The following RBMS3 variants were observed in gnomAD, a reference collection of about 807,000 sequenced individuals.
The protein encoded by RBMS3 is RNA-binding motif, single-stranded-interacting protein 3.
Under a neutral mutation model 66.8 loss-of-function variants are expected in RBMS3, and 27 were observed. That is an observed-to-expected ratio of 0.40 (90% CI 0.30 to 0.56). The LOEUF is 0.56. Ranked by LOEUF, RBMS3 falls within the 20% of genes least tolerant of loss-of-function variation. RBMS3 has a pLI of 0.40. For synonymous variants in RBMS3, 188 were observed against 183.0 expected, an observed-to-expected ratio of 1.03 and a Z score of -0.22; for missense variants, 513 against 549.5, an observed-to-expected ratio of 0.93 and a Z score of 0.66.
chr3:29,359,295 C>T (rs1431166866), intron 1 of RBMS3, among the ~76,000 whole-genome samples: 4 of 152,116 alleles, frequency 2.6e-5, no homozygotes, highest in Admixed American at 1.3e-4. Flanking sequence ...TCTGCATCTG[C>T]TGAGACAATC....
intron 1 of RBMS3, among the ~76,000 whole-genome samples, chr3:29,305,870 C>T (rs148391814): frequency 6.6e-6 from 1 of 151,908 alleles, no homozygotes; most frequent in Non-Finnish European, 1.5e-5. Context: ...TTTAAAACTA[C>T]CTGAAGGAAG....
intron 3 of RBMS3, among the ~76,000 whole-genome samples, chr3:29,546,219 C>T (rs562440622): frequency 4.6e-5 from 7 of 151,304 alleles, no homozygotes; most frequent in Non-Finnish European, 1.0e-4. Flanking sequence ...CTCATTTAAT[C>T]TTCATGACAA....
At chr3:29,294,227 T>C (rs2033059829) in intron 1 of RBMS3, among the ~76,000 whole-genome samples, 1 of 151,822 alleles carries the variant, frequency 6.6e-6, no homozygotes, top group South Asian at 2.1e-4. Flanking sequence ...CAGAGTTGCT[T>C]AATGTCATCT....
At chr3:29,404,158 A>T (rs1366543031) in intron 1 of RBMS3, among the ~76,000 whole-genome samples, 2 of 152,102 alleles carry the variant, frequency 1.3e-5, no homozygotes, top group African/African-American at 4.8e-5. Flanking sequence ...TGACATTATG[A>T]TATCAAACCA....
At chr3:29,933,340 A>T (rs1043703967) in intron 10 of RBMS3, among the ~76,000 whole-genome samples, 1 of 152,148 alleles carries the variant, frequency 6.6e-6, no homozygotes, top group Non-Finnish European at 1.5e-5. Flanking sequence ...GTCATATACA[A>T]TACAAAAGAG....
intron 10 of RBMS3, among the ~76,000 whole-genome samples, chr3:29,920,012 T>A (rs2060729681): frequency 6.6e-6 from 1 of 152,144 alleles, no homozygotes; most frequent in African/African-American, 2.4e-5. Context: ...CCCTTATTGA[T>A]CTCTCTACTT....
intron 1 of RBMS3, among the ~76,000 whole-genome samples, chr3:29,309,216 GA>G (rs35333583): frequency 0.31 from 46,218 of 151,230 alleles, 7,260 homozygotes; most frequent in Middle Eastern, 0.39. Flanking sequence ...ATTTCCACCT[GA>G]AAAAAAGAGG....
In RBMS3 at chr3:30,008,848, AT is replaced by A. The variant is rs2125413202; in HGVS notation, c.*4988del. On this transcript the variant is annotated 3_prime_UTR_variant, in exon 15 of 15. Coordinates refer to ENST00000383767, the MANE Select transcript of RBMS3 (RefSeq NM_001003793.3). ...GGCTGTCCTTTGCGGATTACATAGC[AT>A]TCAGGAAAGTACAAAAACTAAACAC... is the stretch of plus-strand genomic sequence containing the variant. 1 of 152,216 alleles carries A rather than the reference AT, an allele frequency of 6.6e-6. No homozygotes were observed. The highest frequency in any genetic ancestry group is 2.4e-5 in the African/African-American group (1 of 41,560). The allele number at this position is 152,216 out of a possible 1,614,324, so 9.4% of individuals were successfully genotyped here.
chr3:29,733,100 A>ATAT (rs1185728329), intron 4 of RBMS3, among the ~76,000 whole-genome samples: 1 of 152,102 alleles, frequency 6.6e-6, no homozygotes, highest in Non-Finnish European at 1.5e-5. Context: ...ATGTAAGGTA[A>ATAT]TATTATTATC....
intron 14 of RBMS3, among the ~76,000 whole-genome samples, chr3:29,993,009 TACATTA>T (rs758064874): frequency 1.3e-5 from 2 of 152,212 alleles, no homozygotes; most frequent in African/African-American, 2.4e-5. Flanking sequence ...AACTTCAGTA[TACATTA>T]AGAGATTTGT....
At chr3:29,903,582 G>A (rs2149614788) in intron 10 of RBMS3, among the ~76,000 whole-genome samples, 1 of 152,032 alleles carries the variant, frequency 6.6e-6, no homozygotes, top group East Asian at 1.9e-4. Flanking sequence ...CAATACATTG[G>A]ATATTTTGTT....
chr3:29,350,889 A>T lies in RBMS3; in HGVS notation c.75+69133A>T, dbSNP rs7630654. 4.6e-3 allele frequency among the ~76,000 whole-genome samples: 702 copies of T among 152,222 alleles called. 7 individuals carry two copies. The highest frequency in any genetic ancestry group is 0.015 in the African/African-American group (633 of 41,558). ...AACTATAATGTGCATGGTAAAAAAA[A>T]AAAATTAATACTATGGAAAGCTATA... On this transcript the variant is annotated intron_variant, in intron 1 of 14. Coordinates refer to ENST00000383767, the MANE Select transcript of RBMS3 (RefSeq NM_001003793.3).
intron 3 of RBMS3, among the ~76,000 whole-genome samples, chr3:29,530,316 T>C (rs1217013535): frequency 1.3e-5 from 2 of 152,106 alleles, no homozygotes; most frequent in Non-Finnish European, 1.5e-5. Context: ...TCAAATAATA[T>C]AAACCAAATT....
chr3:29,816,148 G>A lies in RBMS3; in HGVS notation c.638-52710G>A, dbSNP rs546848824. On this transcript the variant is annotated intron_variant, in intron 6 of 14. Coordinates refer to ENST00000383767, the MANE Select transcript of RBMS3 (RefSeq NM_001003793.3). The stretch of plus-strand genomic sequence containing the variant: ...GAAATTCAGACCTTTCTGACATATG[G>A]TTTGACCTCTTTAAGGGCCTCTCAG... Among the ~76,000 whole-genome samples the A allele has an allele frequency of 4.6e-5, 7 of 152,110 alleles. No individual in the cohort carries two copies. In the South Asian group the frequency reaches 1.5e-3, roughly 32 times the overall value.
chr3:29,454,508 A>C (rs2042117975), intron 2 of RBMS3, among the ~76,000 whole-genome samples: 1 of 152,192 alleles, frequency 6.6e-6, no homozygotes, highest in South Asian at 2.1e-4. Flanking sequence ...GGCATGGAAG[A>C]ACAAGAGCTC....
intron 4 of RBMS3, among the ~76,000 whole-genome samples, chr3:29,608,002 C>T (rs1345688939): frequency 1.3e-5 from 2 of 151,840 alleles, no homozygotes; most frequent in African/African-American, 4.8e-5. Flanking sequence ...TTACATGGTA[C>T]GAGAAATCTC....
chr3:29,401,598 G>A (rs2039812989), intron 1 of RBMS3, among the ~76,000 whole-genome samples: 1 of 152,068 alleles, frequency 6.6e-6, no homozygotes, highest in South Asian at 2.1e-4. Context: ...GACTAGGTTG[G>A]CTTTTCATTT....
intron 1 of RBMS3, among the ~76,000 whole-genome samples, chr3:29,316,692 G>A (rs544547222): frequency 5.3e-5 from 8 of 151,302 alleles, no homozygotes; most frequent in East Asian, 1.9e-4. Flanking sequence ...TCCAGGCTCC[G>A]GGCCATACTT....
intron 4 of RBMS3, among the ~76,000 whole-genome samples, chr3:29,694,050 G>T (rs2052156929): frequency 6.6e-6 from 1 of 152,092 alleles, no homozygotes; most frequent in Non-Finnish European, 1.5e-5. Context: ...CTTACGCAGT[G>T]AACACTTGGA....
Sources: gnomAD v4.1 joint callset for allele counts (sites outside exome capture counted in the v4.1 genomes callset) on GRCh38, gnomAD v4.1.1 for gene constraint, MANE v1.5 for transcripts, NCBI Gene and HGNC (gene_info 2026-07-23, HGNC 2026-07-21) for gene names.